The following SLC35F3 variants were observed in gnomAD, a reference collection of about 807,000 sequenced individuals.
The protein encoded by SLC35F3 is putative thiamine transporter SLC35F3.
In SLC35F3, 25 loss-of-function variants were observed where a neutral mutation model predicts 49.9. The ratio of observed to expected loss-of-function variants is 0.50; its 90% CI spans 0.37 to 0.70. SLC35F3 has a LOEUF of 0.70. Ranked by LOEUF, SLC35F3 falls within the 30% of genes least tolerant of loss-of-function variation. SLC35F3 has a pLI of 0.00. For missense variants in SLC35F3, 525 were observed against 639.8 expected (o/e 0.82, Z 1.94); for synonymous variants, 275 against 265.4 (o/e 1.04, Z -0.35).
intron 2 of SLC35F3, among the ~76,000 whole-genome samples, chr1:234,052,797 A>G (rs1664398670): frequency 6.6e-6 from 1 of 152,138 alleles, no homozygotes; most frequent in Admixed American, 6.5e-5. Flanking sequence ...TTCCCTCTAC[A>G]CACTGCTTTA....
intron 3 of SLC35F3, among the ~76,000 whole-genome samples, chr1:234,280,445 C>T (rs1049261447): frequency 1.3e-5 from 2 of 152,166 alleles, no homozygotes; most frequent in African/African-American, 4.8e-5. Flanking sequence ...GTAGCTGAAA[C>T]CGGTTTTCTG....
chr1:234,198,638 C>A (rs1463653186), intron 2 of SLC35F3, among the ~76,000 whole-genome samples: 1 of 151,774 alleles, frequency 6.6e-6, no homozygotes, highest in African/African-American at 2.4e-5. Flanking sequence ...TTTTGTTCAT[C>A]AACAATTAAT....
chr1:234,124,901 T>G (rs1263263600), intron 2 of SLC35F3, among the ~76,000 whole-genome samples: 1 of 152,166 alleles, frequency 6.6e-6, no homozygotes, highest in African/African-American at 2.4e-5. Context: ...TGATGGAGAC[T>G]CTGTGTCTAT....
At chr1:233,912,408 C>T (rs181535398) in intron 2 of SLC35F3, among the ~76,000 whole-genome samples, 4 of 152,088 alleles carry the variant, frequency 2.6e-5, no homozygotes, top group African/African-American at 9.6e-5. Context: ...ATCCGGGAGG[C>T]GGAGGTTGCA....
At chr1:233,936,756 A>G (rs1237451251) in intron 2 of SLC35F3, among the ~76,000 whole-genome samples, 1 of 151,720 alleles carries the variant, frequency 6.6e-6, no homozygotes, top group Non-Finnish European at 1.5e-5. Flanking sequence ...TGGTGTGATC[A>G]TGGTTCACTG....
chr1:234,209,836 A>G (rs1175929990), intron 2 of SLC35F3, among the ~76,000 whole-genome samples: 2 of 152,186 alleles, frequency 1.3e-5, no homozygotes, highest in Non-Finnish European at 2.9e-5. Flanking sequence ...GGTAAGCTGC[A>G]TGTGAAAAAA....
chr1:234,071,876 G>A (rs1664716266), intron 2 of SLC35F3, among the ~76,000 whole-genome samples: 1 of 152,168 alleles, frequency 6.6e-6, no homozygotes, highest in Non-Finnish European at 1.5e-5. Context: ...TGGGAGTTAA[G>A]AAACTCCACT....
intron 2 of SLC35F3, among the ~76,000 whole-genome samples, chr1:234,031,861 C>T (rs1664067471): frequency 6.6e-6 from 1 of 152,188 alleles, no homozygotes; most frequent in African/African-American, 2.4e-5. Flanking sequence ...ATTATCTTTA[C>T]CAACACTGTC....
chr1:233,971,423 A>G (rs1217586368), intron 2 of SLC35F3, among the ~76,000 whole-genome samples: 2 of 152,230 alleles, frequency 1.3e-5, no homozygotes, highest in Non-Finnish European at 2.9e-5. Flanking sequence ...GACAGTTATC[A>G]AAAGATACCC....
At chr1:234,289,767 T>C (rs1403516496) in intron 3 of SLC35F3, among the ~76,000 whole-genome samples, 1 of 152,226 alleles carries the variant, frequency 6.6e-6, no homozygotes. Flanking sequence ...TGGGAACATC[T>C]CTACAGTACC....
intron 2 of SLC35F3, among the ~76,000 whole-genome samples, chr1:233,934,897 C>G (rs962029573): frequency 2.0e-5 from 3 of 151,424 alleles, no homozygotes; most frequent in African/African-American, 7.2e-5. Flanking sequence ...ATCAAGATAG[C>G]TTACATACAT....
intron 2 of SLC35F3, among the ~76,000 whole-genome samples, chr1:234,106,180 C>T (rs72758208): frequency 0.04 from 6,092 of 152,222 alleles, 175 homozygotes; most frequent in Middle Eastern, 0.11. Context: ...TGGTCTATGC[C>T]AATGCTGGCA....
intron 2 of SLC35F3, among the ~76,000 whole-genome samples, chr1:234,125,270 A>G (rs1035055307): frequency 2.6e-5 from 4 of 152,158 alleles, no homozygotes; most frequent in Middle Eastern, 3.4e-3. Context: ...TCACGCTGAT[A>G]TAACAAACGA....
At position 234,257,448 on chromosome 1, in the gene SLC35F3, GT is replaced by G. The variant is rs1238600630; in HGVS notation, c.608+25708del. On this transcript the variant is annotated intron_variant, in intron 3 of 7. Transcript: ENST00000366618. The stretch of plus-strand genomic sequence containing the variant: ...TGCCATAGATTACTGATTTGATTTT[GT>G]CTTTTTAAGATTTGCCATTTGCTTT... Among the ~76,000 whole-genome samples the G allele has an allele frequency of 1.6e-4, 24 of 152,218 alleles. 1 individual carries two copies. The highest frequency in any genetic ancestry group is 2.8e-4 in the Non-Finnish European group (19 of 68,008).
intron 2 of SLC35F3, among the ~76,000 whole-genome samples, chr1:234,052,639 T>C (rs1664396243): frequency 6.6e-6 from 1 of 152,234 alleles, no homozygotes; most frequent in Admixed American, 6.5e-5. Flanking sequence ...TCTATTTTCT[T>C]CAGTTCTGCT....
At chr1:234,299,285 C>T (rs1668654191) in intron 3 of SLC35F3, among the ~76,000 whole-genome samples, 1 of 152,124 alleles carries the variant, frequency 6.6e-6, no homozygotes, top group Admixed American at 6.5e-5. Context: ...GGAGAAAAAC[C>T]AGAGTTCAAA....
At chr1:234,067,478 CA>C (rs1459193090) in intron 2 of SLC35F3, among the ~76,000 whole-genome samples, 2 of 152,212 alleles carry the variant, frequency 1.3e-5, no homozygotes, top group Non-Finnish European at 2.9e-5. Flanking sequence ...CTTATGTCCG[CA>C]TCCGTGAGTG....
chr1:233,917,145 A>G (rs1339594963), intron 2 of SLC35F3, among the ~76,000 whole-genome samples: 1 of 152,214 alleles, frequency 6.6e-6, no homozygotes, highest in Non-Finnish European at 1.5e-5. Context: ...GATTGGCTCC[A>G]TGCCATACTT....
intron 2 of SLC35F3, among the ~76,000 whole-genome samples, chr1:233,940,824 T>C (rs1662408439): frequency 6.6e-6 from 1 of 150,580 alleles, no homozygotes; most frequent in Non-Finnish European, 1.5e-5. Context: ...TTCTGTGTGA[T>C]GGATTTTTAG....
Sources: gnomAD v4.1 joint callset for allele counts (sites outside exome capture counted in the v4.1 genomes callset) on GRCh38, gnomAD v4.1.1 for gene constraint, MANE v1.5 for transcripts, NCBI Gene and HGNC (gene_info 2026-07-23, HGNC 2026-07-21) for gene names.